Variants in SLC2A12 observed in about 807,000 individuals in gnomAD.
SLC2A12 encodes solute carrier family 2, facilitated glucose transporter member 12.
SLC2A12 carries 23 observed loss-of-function variants against 41.8 expected under a neutral mutation model. The ratio of observed to expected loss-of-function variants is 0.55; its 90% CI spans 0.40 to 0.78. The LOEUF (loss-of-function observed/expected upper bound fraction) is 0.78, where lower values mean the gene tolerates loss of function less well. Among genes scored for constraint, SLC2A12 ranks in the 30% least tolerant of loss-of-function variants. The pLI, the probability that SLC2A12 is intolerant of heterozygous loss-of-function variation, is 0.00. For synonymous variants in SLC2A12, 295 were observed against 285.9 expected, an observed-to-expected ratio of 1.03 and a Z score of -0.32; for missense variants, 654 against 745.6, an observed-to-expected ratio of 0.88 and a Z score of 1.43.
In SLC2A12 at chr6:133,999,770, T is replaced by C. The variant is rs76139369; in HGVS notation, c.1700+2227A>G. 6.7e-3 allele frequency among the ~76,000 whole-genome samples: 1,025 copies of C among 152,270 alleles called. 3 individuals are homozygous for C. Among genetic ancestry groups the C allele is most frequent in the Non-Finnish European group, 0.011 (771 of 68,016 alleles). ...ACCACCCAGCCAAACCAAAGAATCA[T>C]GGGAAATAGTTGTTTTCAGCTGCAA... On this transcript the variant is annotated intron_variant, in intron 4 of 4. Transcript: ENST00000275230.
chr6:134,005,171 A>T (rs1054309959), intron 3 of SLC2A12, among the ~76,000 whole-genome samples: 3 of 152,178 alleles, frequency 2.0e-5, no homozygotes, highest in Admixed American at 2.0e-4. Context: ...TTATTTTATT[A>T]TAATATATAA....
At chr6:134,038,018 C>T (rs1777327282) in intron 1 of SLC2A12, among the ~76,000 whole-genome samples, 1 of 152,138 alleles carries the variant, frequency 6.6e-6, no homozygotes, top group African/African-American at 2.4e-5. Flanking sequence ...TCCCACCCCT[C>T]CCCTGCACCC....
intron 4 of SLC2A12, among the ~76,000 whole-genome samples, chr6:133,996,975 A>G (rs1025585685): frequency 2.0e-5 from 3 of 151,012 alleles, no homozygotes; most frequent in Non-Finnish European, 4.4e-5. Flanking sequence ...CTGGCTCACT[A>G]GTATTGCATG....
intron 2 of SLC2A12, among the ~76,000 whole-genome samples, chr6:134,026,970 A>G (rs1777121975): frequency 6.6e-6 from 1 of 152,190 alleles, no homozygotes; most frequent in Non-Finnish European, 1.5e-5. Context: ...AAGCTGAAAA[A>G]TGAGGAGGTG....
rs138937263 is a variant in SLC2A12, at chr6:134,046,529, G to A, written c.103+5849C>T. 2.7e-3 allele frequency among the ~76,000 whole-genome samples: 418 copies of A among 152,172 alleles called. 1 individual carries two copies. Among genetic ancestry groups the A allele is most frequent in the African/African-American group, 9.7e-3 (403 of 41,516 alleles). ...TGTTTAGAATAATTAGGTGGGCAGC[G>A]GTGCCTCACGCCTATAATCCCAGCA... On this transcript the variant is annotated intron_variant, in intron 1 of 4. Transcript: ENST00000275230.
chr6:134,005,329 G>C (rs1363360345), intron 3 of SLC2A12, among the ~76,000 whole-genome samples: 2 of 152,064 alleles, frequency 1.3e-5, no homozygotes, highest in Non-Finnish European at 2.9e-5. Context: ...TGAATTTCAG[G>C]CTTCAGTGGA....
At chr6:134,051,149 C>T (rs1773678195) in intron 1 of SLC2A12, among the ~76,000 whole-genome samples, 1 of 152,176 alleles carries the variant, frequency 6.6e-6, no homozygotes, top group South Asian at 2.1e-4. Context: ...TTGTCTTGAA[C>T]TCCTGGCCTC....
Position 134,048,675 on chromosome 6 carries a change from G to A in SLC2A12, c.103+3703C>T, listed in dbSNP as rs529309249. On this transcript the variant is annotated intron_variant, in intron 1 of 4. Coordinates refer to ENST00000275230, the MANE Select transcript of SLC2A12 (RefSeq NM_145176.3). ...AGATGTTGACTTGTTAAATACATATGTTTTTAAAGCACTATAATTTTTGTC... is the reference window on the plus strand; with the variant it reads ...AGATGTTGACTTGTTAAATACATATATTTTTAAAGCACTATAATTTTTGTC... Among the ~76,000 whole-genome samples the A allele has an allele frequency of 2.3e-3, 350 of 152,310 alleles. 2 individuals carry two copies. The highest frequency in any genetic ancestry group is 8.0e-3 in the African/African-American group (332 of 41,564).
intron 2 of SLC2A12, among the ~76,000 whole-genome samples, chr6:134,024,634 A>G (rs1312449591): frequency 6.6e-6 from 1 of 152,196 alleles, no homozygotes; most frequent in African/African-American, 2.4e-5. Context: ...GTGCATTTTT[A>G]CTTATTTCCA....
intron 1 of SLC2A12, among the ~76,000 whole-genome samples, chr6:134,035,241 C>T (rs1045819542): frequency 2.0e-5 from 3 of 151,782 alleles, no homozygotes; most frequent in Admixed American, 6.6e-5. Flanking sequence ...CTGACCCTCT[C>T]GCATTTTCCC....
At chr6:133,993,082 C>CA (rs1399266936) in intron 4 of SLC2A12, among the ~76,000 whole-genome samples, 2 of 152,176 alleles carry the variant, frequency 1.3e-5, no homozygotes, top group East Asian at 3.9e-4. Flanking sequence ...CCTCCAGCCT[C>CA]ACTGTTGGCT....
chr6:134,001,419 T>C (rs1404406128), intron 4 of SLC2A12, among the ~76,000 whole-genome samples: 1 of 152,122 alleles, frequency 6.6e-6, no homozygotes, highest in African/African-American at 2.4e-5. Context: ...ATAGTAACAG[T>C]TTCTTTTTCC....
chr6:134,008,508 C>T (rs2114435991), intron 2 of SLC2A12, among the ~76,000 whole-genome samples: 1 of 152,276 alleles, frequency 6.6e-6, no homozygotes, highest in African/African-American at 2.4e-5. Context: ...CTCACCTCAC[C>T]TGTCTTCCCC....
intron 2 of SLC2A12, among the ~76,000 whole-genome samples, chr6:134,015,886 G>A (rs747763650): frequency 1.3e-5 from 2 of 152,106 alleles, no homozygotes; most frequent in South Asian, 2.1e-4. Flanking sequence ...TAAATTTTAC[G>A]GCAGATGACT....
intron 1 of SLC2A12, among the ~76,000 whole-genome samples, chr6:134,031,082 G>A (rs1777198632): frequency 6.6e-6 from 1 of 152,080 alleles, no homozygotes; most frequent in Non-Finnish European, 1.5e-5. Flanking sequence ...GACTTATTTT[G>A]GAGCTAAAAA....
At chr6:134,033,378 A>G (rs1777249276) in intron 1 of SLC2A12, among the ~76,000 whole-genome samples, 4 of 152,142 alleles carry the variant, frequency 2.6e-5, no homozygotes, top group Admixed American at 1.3e-4. Flanking sequence ...TGATCTTAAA[A>G]TCCTCAACAA....
At chr6:134,005,503 C>T (rs1208956161) in intron 3 of SLC2A12, among the ~76,000 whole-genome samples, 1 of 150,906 alleles carries the variant, frequency 6.6e-6, no homozygotes, top group South Asian at 2.1e-4. Flanking sequence ...ACTAAAAATA[C>T]AAAAAAATTA....
chr6:134,014,163 G>A (rs1347974410), intron 2 of SLC2A12, among the ~76,000 whole-genome samples: 2 of 152,208 alleles, frequency 1.3e-5, no homozygotes, highest in African/African-American at 2.4e-5. Context: ...GATGATTCAA[G>A]TACGTGACGT....
intron 1 of SLC2A12, among the ~76,000 whole-genome samples, chr6:134,030,092 C>G (rs769637645): frequency 6.6e-6 from 1 of 152,140 alleles, no homozygotes; most frequent in Non-Finnish European, 1.5e-5. Flanking sequence ...ATTCAAAGAG[C>G]CTGACTCTTT....
Sources: allele counts gnomAD v4.1 joint callset (sites outside exome capture counted in the v4.1 genomes callset), GRCh38; gene constraint gnomAD v4.1.1; transcripts MANE v1.5; gene names NCBI Gene and HGNC (gene_info 2026-07-23, HGNC 2026-07-21).